The following XKR5 variants were observed in gnomAD, a reference collection of about 807,000 sequenced individuals.
The protein encoded by XKR5 is XK-related protein 5.
XKR5 carries 46 observed loss-of-function variants against 40.8 expected under a neutral mutation model. The ratio of observed to expected loss-of-function variants is 1.13; its 90% confidence interval spans 0.89 to 1.44. The LOEUF (loss-of-function observed/expected upper bound fraction) is 1.44, where lower values mean the gene tolerates loss of function less well. Among genes scored for constraint, XKR5 ranks in the 40% most tolerant of loss-of-function variants. The pLI is 0.00. For missense variants in XKR5, 1,169 were observed against 844.7 expected (o/e 1.38, Z -4.76); for synonymous variants, 466 against 356.1 (o/e 1.31, Z -3.48).
chr8:6,826,792 G>T (rs531062381), intron 2 of XKR5, among the ~76,000 whole-genome samples: 8 of 152,258 alleles, frequency 5.3e-5, no homozygotes, highest in Non-Finnish European at 1.0e-4. Flanking sequence ...GCCTGGATAC[G>T]AAAGGGACAC....
Position 6,823,676 on chromosome 8 carries a change from G to A in XKR5, c.482C>T (p.Thr161Ile). Reference sequence around the variant, plus strand: ...TGGCTTCATGAAGCCCATGAAGCGAGTGTAGGACACCAGTGCCCAGGAGAG... The same window carrying A: ...TGGCTTCATGAAGCCCATGAAGCGAATGTAGGACACCAGTGCCCAGGAGAG... ...SSLSWALVSY[T>I]RFMGFMKPGH... Residue 161 changes from threonine to isoleucine, a missense_variant, in exon 4 of 7, where the codon ACT (threonine) becomes ATT (isoleucine). Physicochemically the swap from Thr to Ile is moderately conservative, Grantham distance 89 (BLOSUM62 -1). Coordinates refer to ENST00000618742, the MANE Select transcript of XKR5 (RefSeq NM_207411.5). 1 of 1,591,840 alleles carries A rather than the reference G, an allele frequency of 6.3e-7. No homozygotes were observed. Among genetic ancestry groups the A allele is most frequent in the Non-Finnish European group, 8.6e-7 (1 of 1,169,168 alleles).
At position 6,808,882 on chromosome 8, in the gene XKR5, A is replaced by G. The variant is rs1167915187; in HGVS notation, c.*2316T>C. Reference sequence around the variant, plus strand: ...AGGATATGCACTCAAGCTGAAATTCATGCCCACAGCCCCGCTCGTTAGTGA... The same window carrying G: ...AGGATATGCACTCAAGCTGAAATTCGTGCCCACAGCCCCGCTCGTTAGTGA... On this transcript the variant is annotated 3_prime_UTR_variant, in exon 7 of 7. Coordinates refer to ENST00000618742, the MANE Select transcript of XKR5 (RefSeq NM_207411.5). 6.6e-6 allele frequency: 1 copy of G among 152,232 alleles called. No individual in the cohort carries two copies. The highest frequency in any genetic ancestry group is 2.4e-5 in the African/African-American group (1 of 41,468). The allele number at this position is 152,232 out of a possible 1,614,324, so 9.4% of individuals were successfully genotyped here.
intron 2 of XKR5, 60 bp downstream of exon 2, chr8:6,832,657 A>G: frequency 1.3e-6 from 2 of 1,587,744 alleles, no homozygotes; most frequent in Non-Finnish European, 8.6e-7. Context: ...TGGAGAGAAG[A>G]TTCCTCTCAC....
chr8:6,825,630 T>C (rs759594332), intron 2 of XKR5, among the ~76,000 whole-genome samples: 12 of 151,842 alleles, frequency 7.9e-5, no homozygotes, highest in Non-Finnish European at 1.8e-4. Context: ...AGCGGCTGCA[T>C]GGCAAGGGAA....
At chr8:6,819,691 C>A (rs1343024454) in intron 5 of XKR5, among the ~76,000 whole-genome samples, 1 of 152,204 alleles carries the variant, frequency 6.6e-6, no homozygotes, top group Non-Finnish European at 1.5e-5. Context: ...ATGGTTGCAG[C>A]CCCACCTCAG....
At chr8:6,832,620 T>C (rs967685130) in intron 2 of XKR5, 97 bp downstream of exon 2, 49 of 1,507,248 alleles carry the variant, frequency 3.3e-5, no homozygotes, top group Non-Finnish European at 4.3e-5. Context: ...ATGCTGAACT[T>C]TTATGAGCTT....
intron 2 of XKR5, 114 bp from the exon 3 acceptor site, chr8:6,825,463 G>T: frequency 1.0e-6 from 1 of 998,232 alleles, no homozygotes; most frequent in Non-Finnish European, 1.4e-6. Flanking sequence ...GCCCTTACTA[G>T]TCACCTAGAG....
rs915091573 is a variant in XKR5, at chr8:6,809,057, A to C, written c.*2141T>G. The C allele has an allele frequency of 1.3e-5, 2 of 152,368 alleles. No homozygotes were observed. The highest frequency in any genetic ancestry group is 4.8e-5 in the African/African-American group (2 of 41,444). The allele number at this position is 152,368 out of a possible 1,614,324, so 9.4% of individuals were successfully genotyped here. ...AAGAGGTCACCAGAGGGCAAAGGGCAGTGGAATACAACCTGGGGACAGAGG... is the reference window on the plus strand; with the variant it reads ...AAGAGGTCACCAGAGGGCAAAGGGCCGTGGAATACAACCTGGGGACAGAGG... On this transcript the variant is annotated 3_prime_UTR_variant, in exon 7 of 7. Transcript: ENST00000618742.
At chr8:6,832,196 G>T (rs1484309312) in intron 2 of XKR5, among the ~76,000 whole-genome samples, 1 of 152,056 alleles carries the variant, frequency 6.6e-6, no homozygotes, top group Non-Finnish European at 1.5e-5. Flanking sequence ...TATGGATCAC[G>T]GATAAGCCCA....
chr8:6,835,515 C>A lies in XKR5; in HGVS notation c.-22G>T. The A allele has an allele frequency of 6.7e-7, 1 of 1,489,962 alleles. No individual in the cohort carries two copies. The highest frequency in any genetic ancestry group is 8.9e-7 in the Non-Finnish European group (1 of 1,125,620). The allele number at this position is 1,489,962 out of a possible 1,614,324, so 92.3% of individuals were successfully genotyped here. A position where few individuals can be genotyped will look rare whatever the true frequency, so the allele number is the denominator to read the frequency against. ...GCATCTTCCGTGCCGACCCCGCAGC[C>A]TGCGCCCGCCCCTTCCCCTGCACGC... On this transcript the variant is annotated 5_prime_UTR_variant, in exon 1 of 7. The change creates a new upstream start codon in the 5' untranslated region. Coordinates refer to ENST00000618742, the MANE Select transcript of XKR5 (RefSeq NM_207411.5).
chr8:6,829,420 G>C (rs1804659281), intron 2 of XKR5: 1 of 164,114 alleles, frequency 6.1e-6, no homozygotes, highest in Admixed American at 6.5e-5. Context: ...ACCAATGTCA[G>C]GTTCTCTTGA....
intron 5 of XKR5, 49 bp downstream of exon 5, chr8:6,821,820 A>G (rs1368829344): frequency 6.4e-7 from 1 of 1,559,718 alleles, no homozygotes; most frequent in Admixed American, 1.8e-5. Context: ...CACACACCCC[A>G]CTTGCTGTAT....
chr8:6,814,903 C>T (rs540594065), intron 6 of XKR5, among the ~76,000 whole-genome samples: 3 of 152,210 alleles, frequency 2.0e-5, no homozygotes, highest in African/African-American at 7.2e-5. Flanking sequence ...GCCACTCACA[C>T]AGGCCACATC....
rs919220087 is a variant in XKR5, at chr8:6,830,900, G to C, written c.242+1817C>G. Among the ~76,000 whole-genome samples, 12 of 152,268 alleles carry C rather than the reference G, an allele frequency of 7.9e-5. No homozygotes were observed. In the East Asian group the frequency reaches 2.3e-3, roughly 29 times the overall value. The stretch of plus-strand genomic sequence containing the variant: ...GTGAAATACCAGCAGCATGAATTTG[G>C]ACACACCGTGGTCCCCTGGCAGCCC... On this transcript the variant is annotated intron_variant, in intron 2 of 6. Coordinates refer to ENST00000618742, the MANE Select transcript of XKR5 (RefSeq NM_207411.5).
chr8:6,808,643 T>C lies in XKR5; in HGVS notation c.*2555A>G, dbSNP rs576704454. On this transcript the variant is annotated 3_prime_UTR_variant, in exon 7 of 7. Transcript: ENST00000618742. ...GTGAGGAAGCCATCTGAGAAGCCGA[T>C]GTTGGTCCACAGGGCCTCGAACAGC... 5 of 152,338 alleles carry C rather than the reference T, an allele frequency of 3.3e-5. No individual in the cohort carries two copies. Among genetic ancestry groups the C allele is most frequent in the African/African-American group, 1.2e-4 (5 of 41,582 alleles). The allele number at this position is 152,338 out of a possible 1,614,324, so 9.4% of individuals were successfully genotyped here.
chr8:6,821,940 C>G lies in XKR5; in HGVS notation c.736G>C (p.Ala246Pro). Residue 246 changes from alanine to proline, a missense_variant, in exon 5 of 7, where the codon GCC (alanine) becomes CCC (proline). Ala to Pro is a conservative substitution (Grantham distance 27, BLOSUM62 -1). Transcript: ENST00000618742. ...HWRLFNLLVG[A>P]VYILCYLSFW... ...CTGAGGTAGCAGAGGATGTACACGG[C>G]CCCCACGAGCAGGTTGAACAGCCTC... 6.2e-7 allele frequency: 1 copy of G among 1,612,860 alleles called. No homozygotes were observed. The highest frequency in any genetic ancestry group is 1.1e-5 in the South Asian group (1 of 90,790).
intron 3 of XKR5, among the ~76,000 whole-genome samples, chr8:6,824,817 C>A (rs1012106212): frequency 2.6e-5 from 4 of 152,188 alleles, no homozygotes; most frequent in African/African-American, 9.6e-5. Context: ...GACTTGTGCC[C>A]GGCCAAGAAT....
chr8:6,829,967 AG>A (rs1401338267), intron 2 of XKR5, among the ~76,000 whole-genome samples: 1 of 148,794 alleles, frequency 6.7e-6, no homozygotes, highest in Non-Finnish European at 1.5e-5. Flanking sequence ...CCTCCCAAGT[AG>A]CTGGGACTAC....
intron 1 of XKR5, among the ~76,000 whole-genome samples, chr8:6,834,044 C>G (rs879768411): frequency 2.0e-5 from 3 of 152,192 alleles, no homozygotes; most frequent in Non-Finnish European, 4.4e-5. Context: ...GGTCACAGCT[C>G]TCTCTGTGGG....
Sources: gnomAD v4.1 joint callset for allele counts (sites outside exome capture counted in the v4.1 genomes callset) on GRCh38, gnomAD v4.1.1 for gene constraint, MANE v1.5 for transcripts, NCBI Gene and HGNC (gene_info 2026-07-23, HGNC 2026-07-21) for gene names.